PLCB1: variants seen among roughly 807,000 people sequenced by gnomAD.
The protein encoded by PLCB1 is 1-phosphatidylinositol 4,5-bisphosphate phosphodiesterase beta-1.
A neutral mutation model predicts 161.8 loss-of-function variants in PLCB1; 46 were observed. That is an observed-to-expected ratio of 0.28 (90% CI 0.22 to 0.36). The LOEUF (loss-of-function observed/expected upper bound fraction) is 0.36. Among genes scored for constraint, PLCB1 ranks in the 10% least tolerant of loss-of-function variants. The pLI is 1.00. For synonymous variants in PLCB1, 517 were observed against 503.7 expected (o/e 1.03, Z -0.35); for missense variants, 1,016 against 1,472.5 (o/e 0.69, Z 5.07).
chr20:8,492,099 A>C (rs1254961030), intron 3 of PLCB1, among the ~76,000 whole-genome samples: 2 of 152,120 alleles, frequency 1.3e-5, no homozygotes, highest in Non-Finnish European at 2.9e-5. Context: ...AATTTTCTCC[A>C]AATTGTGTTA....
chr20:8,289,904 A>T (rs910851448), intron 2 of PLCB1, among the ~76,000 whole-genome samples: 11 of 152,182 alleles, frequency 7.2e-5, no homozygotes, highest in Non-Finnish European at 7.3e-5. Flanking sequence ...TGCCTAATAG[A>T]GGTGGATGAT....
At chr20:8,340,904 G>T (rs1600328380) in intron 2 of PLCB1, among the ~76,000 whole-genome samples, 2 of 152,258 alleles carry the variant, frequency 1.3e-5, no homozygotes, top group East Asian at 3.9e-4. Context: ...AAGGTCATTG[G>T]TTTTATTTTA....
chr20:8,864,407 C>T (rs985545345), intron 31 of PLCB1, among the ~76,000 whole-genome samples: 2 of 152,082 alleles, frequency 1.3e-5, no homozygotes, highest in Admixed American at 1.3e-4. Flanking sequence ...AGCATAACAC[C>T]TTATTATTTT....
Position 8,790,175 on chromosome 20 carries a change from C to T in PLCB1, c.3337C>T (p.Leu1113=), listed in dbSNP as rs2294597. The part of the protein sequence containing the change: ...IQEVVQYIKR[L]EEAQSKRQEK... ...AATGTTTCTTGTAACTTTCTTATAG[C>T]TAGAAGAAGCGCAAAGTAAACGGCA... The change falls in exon 31 of 32, where the codon CTA becomes TTA. Residue 1113 remains leucine (L), a splice_region_variant and synonymous_variant. Transcript: ENST00000338037. 0.29 allele frequency: 471,828 copies of T among 1,600,448 alleles called. 72,118 individuals are homozygous for T. The highest frequency in any genetic ancestry group is 0.34 in the South Asian group (30,835 of 90,216).
At chr20:8,550,761 A>G (rs1245492212) in intron 3 of PLCB1, among the ~76,000 whole-genome samples, 2 of 152,124 alleles carry the variant, frequency 1.3e-5, no homozygotes, top group African/African-American at 2.4e-5. Context: ...ACCTTACATC[A>G]AATTCACCAT....
At chr20:8,498,181 G>C (rs1045210329) in intron 3 of PLCB1, among the ~76,000 whole-genome samples, 1 of 151,988 alleles carries the variant, frequency 6.6e-6, no homozygotes, top group Non-Finnish European at 1.5e-5. Flanking sequence ...CACTGCAATC[G>C]CTGCCTCCCA....
intron 31 of PLCB1, among the ~76,000 whole-genome samples, chr20:8,868,362 A>G (rs1320761312): frequency 7.0e-6 from 1 of 142,022 alleles, no homozygotes; most frequent in Non-Finnish European, 1.6e-5. Context: ...TGTATTATGA[A>G]GAGGACAGCA....
At chr20:8,166,914 C>T (rs558450706) in intron 2 of PLCB1, among the ~76,000 whole-genome samples, 17 of 152,300 alleles carry the variant, frequency 1.1e-4, no homozygotes, top group Non-Finnish European at 1.9e-4. Context: ...ACACTTCTCA[C>T]AGTTGTAATC....
At chr20:8,505,341 A>T (rs540770712) in intron 3 of PLCB1, among the ~76,000 whole-genome samples, 6 of 152,310 alleles carry the variant, frequency 3.9e-5, no homozygotes, top group African/African-American at 1.4e-4. Flanking sequence ...AGTTTGCTCT[A>T]TCTCAACCCA....
intron 2 of PLCB1, among the ~76,000 whole-genome samples, chr20:8,227,597 T>C (rs945604573): frequency 3.3e-5 from 5 of 152,182 alleles, no homozygotes; most frequent in Admixed American, 6.5e-5. Flanking sequence ...TCCAATTCTG[T>C]CTTCACCCCT....
At chr20:8,203,390 T>G (rs552411635) in intron 2 of PLCB1, among the ~76,000 whole-genome samples, 17 of 152,298 alleles carry the variant, frequency 1.1e-4, no homozygotes, top group African/African-American at 4.1e-4. Flanking sequence ...GAAATTGTTT[T>G]ATTTTTAAAA....
intron 3 of PLCB1, chr20:8,371,872 AAGGTGT>A (rs1302331110): frequency 1.3e-5 from 2 of 157,602 alleles, no homozygotes; most frequent in African/African-American, 4.8e-5. Flanking sequence ...ACAATGCCAA[AAGGTGT>A]ATAGTCTTAA....
intron 19 of PLCB1, among the ~76,000 whole-genome samples, chr20:8,733,688 T>C (rs1471004852): frequency 6.6e-6 from 1 of 151,008 alleles, no homozygotes; most frequent in Non-Finnish European, 1.5e-5. Context: ...CACCTAATGC[T>C]AAATGACGAG....
chr20:8,169,361 G>A (rs1270802445), intron 2 of PLCB1, among the ~76,000 whole-genome samples: 1 of 152,100 alleles, frequency 6.6e-6, no homozygotes, highest in Non-Finnish European at 1.5e-5. Context: ...CTCATTCTGA[G>A]CTTCCATTTT....
At chr20:8,326,066 G>A (rs1985140128) in intron 2 of PLCB1, among the ~76,000 whole-genome samples, 1 of 152,136 alleles carries the variant, frequency 6.6e-6, no homozygotes. Flanking sequence ...TTTTAAAAGA[G>A]ATTTACCCTT....
intron 3 of PLCB1, among the ~76,000 whole-genome samples, chr20:8,394,976 A>G (rs1987722045): frequency 6.6e-6 from 1 of 152,162 alleles, no homozygotes; most frequent in Admixed American, 6.6e-5. Context: ...GATTTGTAAT[A>G]CCTGGTTAAA....
intron 3 of PLCB1, among the ~76,000 whole-genome samples, chr20:8,457,516 A>G (rs1207109315): frequency 6.6e-6 from 1 of 152,062 alleles, no homozygotes; most frequent in Non-Finnish European, 1.5e-5. Context: ...AGCTTCCATC[A>G]CACTGCTAGA....
At chr20:8,760,485 G>A (rs1259684414) in intron 25 of PLCB1, 25 bp downstream of exon 25, 2 of 1,563,490 alleles carry the variant, frequency 1.3e-6, no homozygotes, top group South Asian at 1.1e-5. Context: ...TTCCCCCCAT[G>A]GAATTAAGCA....
chr20:8,632,154 A>G (rs183394605), intron 4 of PLCB1, among the ~76,000 whole-genome samples: 1 of 150,478 alleles, frequency 6.6e-6, no homozygotes, highest in African/African-American at 2.4e-5. Flanking sequence ...GAAGGAACTA[A>G]GTGGCACAGA....
Sources: gnomAD v4.1 joint callset for allele counts (sites outside exome capture counted in the v4.1 genomes callset) on GRCh38, gnomAD v4.1.1 for gene constraint, MANE v1.5 for transcripts, NCBI Gene and HGNC (gene_info 2026-07-23, HGNC 2026-07-21) for gene names.